The following ZFAT variants were observed in gnomAD, a reference collection of about 807,000 sequenced individuals.
ZFAT encodes zinc finger and AT-hook domain containing.
ZFAT carries 64 observed loss-of-function variants against 117.7 expected under a neutral mutation model. That is an observed-to-expected ratio of 0.54 (90% CI 0.44 to 0.67). The LOEUF (loss-of-function observed/expected upper bound fraction) is 0.67. ZFAT is among the 30% of genes least tolerant of loss of function. ZFAT has a pLI of 0.00. For synonymous variants in ZFAT, 679 were observed against 615.0 expected (o/e 1.10, Z -1.54); for missense variants, 1,433 against 1,584.5 (o/e 0.90, Z 1.62).
rs987316830 is a variant in ZFAT at position 134,657,576 on chromosome 8, T to C, written c.181A>G (p.Ser61Gly). The change falls in exon 2 of 16, where the codon AGC becomes GGC. Residue 61 changes from serine to glycine, a missense_variant. Ser to Gly is a moderately conservative substitution (Grantham distance 56). Coordinates refer to ENST00000377838, the MANE Select transcript of ZFAT (RefSeq NM_020863.4). ...PLSTPEPPNSSKTGDEFLVMK... is the reference protein window; with the variant it reads ...PLSTPEPPNSGKTGDEFLVMK... ...GCCCCCTTACCATCTCCGGTTTTGC[T>C]TGAGTTGGGGGGTTCAGGTGTACTC... is the stretch of plus-strand genomic sequence containing the variant. 2.5e-6 allele frequency: 4 copies of C among 1,610,482 alleles called. No individual in the cohort carries two copies. The highest frequency in any genetic ancestry group is 1.7e-5 in the Admixed American group (1 of 59,704).
chr8:134,639,419 G>A (rs553193868), intron 2 of ZFAT, among the ~76,000 whole-genome samples: 8 of 152,310 alleles, frequency 5.3e-5, no homozygotes, highest in South Asian at 2.1e-4. Flanking sequence ...GGCAACCAGC[G>A]AGATTCCTGC....
chr8:134,544,513 A>G (rs1235061631), intron 11 of ZFAT, among the ~76,000 whole-genome samples: 1 of 152,128 alleles, frequency 6.6e-6, no homozygotes, highest in Non-Finnish European at 1.5e-5. Context: ...AGAAAAGCCA[A>G]ATAAGGAGAA....
the ZFAT span, among the ~76,000 whole-genome samples, chr8:134,749,575 A>G: frequency 1.3e-4 from 20 of 152,322 alleles, no homozygotes; most frequent in African/African-American, 4.6e-4. Context: ...CAGATTGGGT[A>G]TCAGGCTCCA....
At chr8:134,612,384 T>G (rs891936360) in intron 3 of ZFAT, among the ~76,000 whole-genome samples, 4 of 152,212 alleles carry the variant, frequency 2.6e-5, no homozygotes, top group African/African-American at 9.6e-5. Flanking sequence ...CTGTTTCCAG[T>G]GATTCAACTC....
chr8:134,532,604 C>T (rs1170774037), intron 12 of ZFAT, among the ~76,000 whole-genome samples: 1 of 152,216 alleles, frequency 6.6e-6, no homozygotes, highest in Non-Finnish European at 1.5e-5. Context: ...ATTTTTACTT[C>T]TGCTATTTTA....
the ZFAT span, among the ~76,000 whole-genome samples, chr8:134,781,730 T>C: frequency 6.6e-6 from 1 of 152,140 alleles, no homozygotes; most frequent in Non-Finnish European, 1.5e-5. Flanking sequence ...CTACTACATC[T>C]GAGACAGCTA....
At chr8:134,630,252 A>G (rs1031627428) in intron 3 of ZFAT, among the ~76,000 whole-genome samples, 7 of 152,234 alleles carry the variant, frequency 4.6e-5, no homozygotes, top group African/African-American at 1.7e-4. Context: ...TCACCTAGTT[A>G]GTACAGAGGA....
the ZFAT span, among the ~76,000 whole-genome samples, chr8:134,758,532 G>A: frequency 3.3e-5 from 5 of 152,182 alleles, no homozygotes; most frequent in Non-Finnish European, 1.5e-5. Flanking sequence ...GCCTAAGCTT[G>A]TTGTCCCTAG....
intron 15 of ZFAT, among the ~76,000 whole-genome samples, chr8:134,483,144 A>C (rs892496821): frequency 6.6e-6 from 1 of 152,058 alleles, no homozygotes; most frequent in African/African-American, 2.4e-5. Flanking sequence ...CAAACCATGC[A>C]CCTCCTTCCT....
At chr8:134,713,376 C>T (rs1354478701), upstream of ZFAT, among the ~76,000 whole-genome samples, 1 of 152,184 alleles carries the variant, frequency 6.6e-6, no homozygotes, top group East Asian at 1.9e-4. Context: ...CCAGCTCTAC[C>T]TCTCACTACC....
the ZFAT span, chr8:134,767,087 T>C: frequency 6.6e-6 from 1 of 152,246 alleles, no homozygotes; most frequent in South Asian, 2.1e-4. Flanking sequence ...CAGGTTTCAT[T>C]TCATTCATGG....
At chr8:134,719,135 GA>G in the ZFAT span, among the ~76,000 whole-genome samples, 1 of 152,226 alleles carries the variant, frequency 6.6e-6, no homozygotes, top group East Asian at 1.9e-4. Flanking sequence ...GGCTCACAGG[GA>G]GACTGACTTC....
intron 11 of ZFAT, among the ~76,000 whole-genome samples, chr8:134,533,804 G>A (rs867388421): frequency 4.0e-4 from 61 of 152,344 alleles, no homozygotes; most frequent in African/African-American, 1.4e-3. Flanking sequence ...AGAAGCACCT[G>A]CTGGGCCCCT....
chr8:134,689,439 G>GC (rs1196978492), intron 1 of ZFAT, among the ~76,000 whole-genome samples: 1 of 152,190 alleles, frequency 6.6e-6, no homozygotes, highest in Non-Finnish European at 1.5e-5. Flanking sequence ...CCAAGAACCT[G>GC]CCCTGCATCA....
At chr8:134,797,809 G>C in the ZFAT span, 1 of 151,500 alleles carries the variant, frequency 6.6e-6, no homozygotes, top group Non-Finnish European at 1.5e-5. Context: ...TGTACTAGTA[G>C]CTTTGAGAAG....
intron 3 of ZFAT, among the ~76,000 whole-genome samples, chr8:134,635,302 T>G (rs1346461269): frequency 6.6e-6 from 1 of 152,156 alleles, no homozygotes; most frequent in Non-Finnish European, 1.5e-5. Flanking sequence ...TCTGGAAGAA[T>G]GGAAAGCAGA....
intron 1 of ZFAT, among the ~76,000 whole-genome samples, chr8:134,698,396 G>C (rs955541970): frequency 3.3e-5 from 5 of 151,982 alleles, no homozygotes; most frequent in African/African-American, 7.3e-5. Context: ...AAGAGATAGA[G>C]AGCATGCCCA....
At chr8:134,826,157 C>T in the ZFAT span, among the ~76,000 whole-genome samples, 1 of 152,116 alleles carries the variant, frequency 6.6e-6, no homozygotes, top group Non-Finnish European at 1.5e-5. Context: ...TCCAGATTCC[C>T]TAAATTTGCA....
chr8:134,611,119 G>A (rs370246899), intron 3 of ZFAT, among the ~76,000 whole-genome samples: 7 of 152,244 alleles, frequency 4.6e-5, no homozygotes, highest in East Asian at 1.9e-4. Context: ...GGGCCCCACC[G>A]TGCAGGGGGA....
Sources: gnomAD v4.1 joint callset for allele counts (sites outside exome capture counted in the v4.1 genomes callset) on GRCh38, gnomAD v4.1.1 for gene constraint, MANE v1.5 for transcripts, NCBI Gene and HGNC (gene_info 2026-07-23, HGNC 2026-07-21) for gene names.